NCKAP5: variants seen among roughly 807,000 people sequenced by gnomAD.
NCKAP5 encodes the protein nck-associated protein 5.
NCKAP5 carries 92 observed loss-of-function variants against 167.0 expected under a neutral mutation model. The ratio of observed to expected loss-of-function variants is 0.55; its 90% CI spans 0.47 to 0.66. The LOEUF (loss-of-function observed/expected upper bound fraction) is 0.66. Ranked by LOEUF, NCKAP5 falls within the 30% of genes least tolerant of loss-of-function variation. The pLI, the probability that NCKAP5 is intolerant of heterozygous loss-of-function variation, is 0.00. For synonymous variants in NCKAP5, 891 were observed against 877.4 expected (o/e 1.02, Z -0.27); for missense variants, 2,378 against 2,315.0 (o/e 1.03, Z -0.56).
At chr2:133,177,028 A>T (rs2084491825) in intron 5 of NCKAP5, among the ~76,000 whole-genome samples, 1 of 152,144 alleles carries the variant, frequency 6.6e-6, no homozygotes, top group Admixed American at 6.5e-5. Flanking sequence ...TAAAATATGA[A>T]GCCCAAAAAG....
At chr2:133,198,433 T>C (rs2085532881) in intron 5 of NCKAP5, among the ~76,000 whole-genome samples, 1 of 152,106 alleles carries the variant, frequency 6.6e-6, no homozygotes, top group Non-Finnish European at 1.5e-5. Flanking sequence ...ATAACTCTAA[T>C]GACTGTAGGT....
chr2:132,676,067 G>A (rs1489796035), intron 19 of NCKAP5, among the ~76,000 whole-genome samples: 3 of 152,110 alleles, frequency 2.0e-5, no homozygotes, highest in Non-Finnish European at 4.4e-5. Flanking sequence ...AAAGGTGGTA[G>A]CAGCTACTTA....
chr2:133,378,093 A>T (rs887555758), intron 3 of NCKAP5, among the ~76,000 whole-genome samples: 3 of 152,234 alleles, frequency 2.0e-5, no homozygotes, highest in African/African-American at 7.2e-5. Flanking sequence ...TGATGTCTGT[A>T]TATATTAGAA....
chr2:132,746,965 T>C (rs1449355442), intron 16 of NCKAP5, among the ~76,000 whole-genome samples: 2 of 151,750 alleles, frequency 1.3e-5, no homozygotes, highest in African/African-American at 4.8e-5. Flanking sequence ...CTGGGAGCAG[T>C]GGTATTAGGA....
intron 6 of NCKAP5, among the ~76,000 whole-genome samples, chr2:133,057,019 C>CT (rs766221053): frequency 7.2e-5 from 11 of 152,102 alleles, no homozygotes; most frequent in Non-Finnish European, 1.6e-4. Context: ...ATATTTCAAA[C>CT]TTTTTCATTT....
At chr2:133,027,397 T>G (rs1482072390) in intron 6 of NCKAP5, among the ~76,000 whole-genome samples, 1 of 152,220 alleles carries the variant, frequency 6.6e-6, no homozygotes, top group Non-Finnish European at 1.5e-5. Flanking sequence ...TTGCATGTAT[T>G]AACTCATATA....
chr2:133,616,958 T>C, the NCKAP5 span, among the ~76,000 whole-genome samples: 2 of 152,178 alleles, frequency 1.3e-5, no homozygotes, highest in Non-Finnish European at 2.9e-5. Context: ...TCCACCATGA[T>C]CAAGTGGGCT....
chr2:133,310,930 T>C (rs1681188810), intron 3 of NCKAP5, among the ~76,000 whole-genome samples: 1 of 152,218 alleles, frequency 6.6e-6, no homozygotes, highest in Non-Finnish European at 1.5e-5. Context: ...TTTTGTTTTG[T>C]TTTCCCTCTC....
chr2:133,410,703 G>A (rs1688721093), intron 3 of NCKAP5, among the ~76,000 whole-genome samples: 1 of 152,252 alleles, frequency 6.6e-6, no homozygotes, highest in East Asian at 1.9e-4. Context: ...AATTCAGGGG[G>A]TGAAGTCCAA....
Position 132,760,886 on chromosome 2 carries a change from T to C in NCKAP5, c.5128+12930A>G, listed in dbSNP as rs577161226. On this transcript the variant is annotated intron_variant, in intron 16 of 19. Coordinates refer to ENST00000409261, the MANE Select transcript of NCKAP5 (RefSeq NM_207363.3). Reference sequence around the variant, plus strand: ...ATTCTTATTACATCAGTTCCCTCTTTCAGTTTCTTCTCTGGAGTATTAGAA... The same window carrying C: ...ATTCTTATTACATCAGTTCCCTCTTCCAGTTTCTTCTCTGGAGTATTAGAA... Among the ~76,000 whole-genome samples the C allele has an allele frequency of 7.9e-5, 12 of 152,364 alleles. 1 individual carries two copies. The South Asian group carries it at 2.5e-3, about 32-fold the overall frequency.
chr2:133,533,350 G>A (rs1406913820), intron 2 of NCKAP5, among the ~76,000 whole-genome samples: 2 of 152,186 alleles, frequency 1.3e-5, no homozygotes, highest in Non-Finnish European at 2.9e-5. Flanking sequence ...ATCTCTCAAT[G>A]TTTGAAGATT....
intron 6 of NCKAP5, among the ~76,000 whole-genome samples, chr2:133,107,021 C>T (rs2081729401): frequency 6.6e-6 from 1 of 152,116 alleles, no homozygotes; most frequent in Non-Finnish European, 1.5e-5. Context: ...TTTTAGCCTG[C>T]TCCACTGATG....
chr2:133,288,411 A>G (rs1679321320), intron 4 of NCKAP5, among the ~76,000 whole-genome samples: 1 of 152,192 alleles, frequency 6.6e-6, no homozygotes, highest in African/African-American at 2.4e-5. Flanking sequence ...TGCCAATATA[A>G]CTGAATAAAT....
intron 7 of NCKAP5, among the ~76,000 whole-genome samples, chr2:132,975,352 A>G (rs1379296229): frequency 1.3e-5 from 2 of 152,230 alleles, no homozygotes; most frequent in Non-Finnish European, 2.9e-5. Flanking sequence ...CCACTGACAT[A>G]TCAATCCACA....
chr2:132,849,248 T>G (rs1033432659), intron 11 of NCKAP5, among the ~76,000 whole-genome samples: 2 of 151,342 alleles, frequency 1.3e-5, no homozygotes, highest in Non-Finnish European at 2.9e-5. Flanking sequence ...GCTCCCCCTC[T>G]TTTTGAAAGT....
At chr2:133,258,033 A>C (rs1001787856) in intron 4 of NCKAP5, among the ~76,000 whole-genome samples, 5 of 152,214 alleles carry the variant, frequency 3.3e-5, no homozygotes, top group Non-Finnish European at 7.3e-5. Context: ...AGAGTCACTA[A>C]GGGCACTATT....
In NCKAP5 at chr2:133,124,038, T is replaced by A. The variant is rs143971731; in HGVS notation, c.341+5940A>T. On this transcript the variant is annotated intron_variant, in intron 6 of 19. Transcript: ENST00000409261. ...CGGTAAAACCATCTCCATTTACGACTCCTTGAAGTTCAGCATGCAGCAGAC... is the reference window on the plus strand; with the variant it reads ...CGGTAAAACCATCTCCATTTACGACACCTTGAAGTTCAGCATGCAGCAGAC... Among the ~76,000 whole-genome samples, 305 of 152,288 alleles carry A rather than the reference T, an allele frequency of 2.0e-3. 1 individual carries two copies. Among genetic ancestry groups the A allele is most frequent in the Admixed American group, 4.7e-3 (72 of 15,294 alleles).
chr2:132,697,673 T>C (rs995182653), intron 19 of NCKAP5, among the ~76,000 whole-genome samples: 1 of 152,108 alleles, frequency 6.6e-6, no homozygotes, highest in Admixed American at 6.5e-5. Flanking sequence ...TTCATTTTGA[T>C]ATAGTTGGTC....
intron 4 of NCKAP5, among the ~76,000 whole-genome samples, chr2:133,294,253 G>A (rs574235377): frequency 6.6e-6 from 1 of 152,298 alleles, no homozygotes; most frequent in East Asian, 1.9e-4. Context: ...TCCCAGTGGA[G>A]GTCTATGATT....
Sources: gnomAD v4.1 joint callset for allele counts (sites outside exome capture counted in the v4.1 genomes callset) on GRCh38, gnomAD v4.1.1 for gene constraint, MANE v1.5 for transcripts, NCBI Gene and HGNC (gene_info 2026-07-23, HGNC 2026-07-21) for gene names.